The following UBASH3A variants were observed in gnomAD, a reference collection of about 807,000 sequenced individuals.
The protein encoded by UBASH3A is ubiquitin-associated and SH3 domain-containing protein A.
A neutral mutation model predicts 73.5 loss-of-function variants in UBASH3A; 63 were observed. That is an observed-to-expected ratio of 0.86 (90% CI 0.70 to 1.06). The LOEUF (loss-of-function observed/expected upper bound fraction) is 1.06. Among genes scored for constraint, UBASH3A ranks in the 50% least tolerant of loss-of-function variants. UBASH3A has a pLI of 0.00. For synonymous variants in UBASH3A, 363 were observed against 351.1 expected (o/e 1.03, Z -0.38); for missense variants, 860 against 859.0 (o/e 1.00, Z -0.02).
chr21:42,431,908 G>T (rs2053538193), intron 8 of UBASH3A, among the ~76,000 whole-genome samples, 195 bp from the exon 9 acceptor site: 1 of 152,106 alleles, frequency 6.6e-6, no homozygotes, highest in African/African-American at 2.4e-5. Context: ...ATAAAACATT[G>T]GAAGAAATTG....
At chr21:42,414,972 G>A (rs539882618) in intron 5 of UBASH3A, among the ~76,000 whole-genome samples, 104 of 152,278 alleles carry the variant, frequency 6.8e-4, no homozygotes, top group South Asian at 4.4e-3. Context: ...TCTACGCCCC[G>A]ACCCTAAGCA....
chr21:42,419,356 C>A (rs537298473), intron 7 of UBASH3A, among the ~76,000 whole-genome samples: 1 of 152,358 alleles, frequency 6.6e-6, no homozygotes, highest in Admixed American at 6.5e-5. Context: ...TCCCGCTTCA[C>A]TATAAATAAC....
chr21:42,422,269 G>A (rs998601020), intron 7 of UBASH3A, among the ~76,000 whole-genome samples: 7 of 152,290 alleles, frequency 4.6e-5, no homozygotes, highest in East Asian at 3.9e-4. Flanking sequence ...GTAGTCACAC[G>A]TCTTTATTTA....
chr21:42,419,620 C>G (rs2053294184), intron 7 of UBASH3A, among the ~76,000 whole-genome samples: 1 of 152,212 alleles, frequency 6.6e-6, no homozygotes, highest in South Asian at 2.1e-4. Context: ...GCTTTCTCTG[C>G]TGTGCTACTC....
rs184525147 is a variant in UBASH3A, at chr21:42,423,727, T to C, written c.1047-2970T>C. On this transcript the variant is annotated intron_variant, in intron 7 of 14. Transcript: ENST00000319294. ...TTCCAGCTTTTATGCCTGACATTTC[T>C]GGGACTATTCTTTCCAGAGGAACTT... 3.5e-4 allele frequency among the ~76,000 whole-genome samples: 53 copies of C among 152,362 alleles called. 1 individual carries two copies. Among genetic ancestry groups the C allele is most frequent in the Admixed American group, 1.2e-3 (18 of 15,310 alleles).
chr21:42,435,075 A>G, intron 10 of UBASH3A, 121 bp downstream of exon 10: 1 of 1,308,336 alleles, frequency 7.6e-7, no homozygotes, highest in Non-Finnish European at 1.0e-6. Context: ...CTTTGTCTCC[A>G]GTCTGCTGAG....
chr21:42,435,949 T>C (rs1335340979), intron 10 of UBASH3A, among the ~76,000 whole-genome samples: 3 of 151,552 alleles, frequency 2.0e-5, no homozygotes, highest in Admixed American at 1.3e-4. Flanking sequence ...ATAGAGTTAG[T>C]TATAGAGTTA....
In UBASH3A at chr21:42,413,551, G is replaced by C. The variant is rs140986519; in HGVS notation, c.667+28G>C. On this transcript the variant is annotated intron_variant, in intron 5 of 14. Coordinates refer to ENST00000319294, the MANE Select transcript of UBASH3A (RefSeq NM_018961.4). This position sits in a 1 kb window ranked among gnomAD's most constrained non-coding sequence, Gnocchi z 4.5. ...AAGCCATTAGAAAGCTTCCGGACCAGCTTTGGTCTTCTCTTTAGGCGGGAA... is the reference window on the plus strand; with the variant it reads ...AAGCCATTAGAAAGCTTCCGGACCACCTTTGGTCTTCTCTTTAGGCGGGAA... 3 of 1,534,072 alleles carry C rather than the reference G, an allele frequency of 2.0e-6. No homozygotes were observed. The highest frequency in any genetic ancestry group is 2.7e-5 in the African/African-American group (2 of 72,974).
At chr21:42,406,502 T>G in intron 2 of UBASH3A, 141 bp downstream of exon 2, 1 of 678,910 alleles carries the variant, frequency 1.5e-6, no homozygotes, top group South Asian at 1.7e-5. Context: ...TGAAACAAAA[T>G]AACCTCCCTG....
chr21:42,409,279 A>C (rs1568908120), intron 2 of UBASH3A, 143 bp from the exon 3 acceptor site: 2 of 820,110 alleles, frequency 2.4e-6, no homozygotes, highest in Non-Finnish European at 3.7e-6. Flanking sequence ...CTGTGAGATT[A>C]ATTTATGTCA....
At chr21:42,445,157 G>A (rs947782037) in intron 14 of UBASH3A, among the ~76,000 whole-genome samples, 6 of 152,228 alleles carry the variant, frequency 3.9e-5, no homozygotes, top group Admixed American at 3.3e-4. Context: ...TAACGCACAC[G>A]TGACATCTTG....
intron 11 of UBASH3A, among the ~76,000 whole-genome samples, chr21:42,439,200 G>C (rs1199688890): frequency 6.6e-6 from 1 of 152,148 alleles, no homozygotes. Flanking sequence ...CCATCCCATA[G>C]TCCAGTCCTA....
At chr21:42,425,049 G>T (rs899050270) in intron 7 of UBASH3A, among the ~76,000 whole-genome samples, 1 of 152,198 alleles carries the variant, frequency 6.6e-6, no homozygotes, top group South Asian at 2.1e-4. Flanking sequence ...CGTTGAAGCC[G>T]CTCAGCTGTG....
chr21:42,407,414 A>G (rs2146488959), intron 2 of UBASH3A, among the ~76,000 whole-genome samples: 1 of 152,326 alleles, frequency 6.6e-6, no homozygotes. Context: ...AGAGTCCACT[A>G]AAGCCAGTTG....
chr21:42,412,001 T>C (rs537050073), intron 3 of UBASH3A, among the ~76,000 whole-genome samples: 1 of 152,146 alleles, frequency 6.6e-6, no homozygotes, highest in African/African-American at 2.4e-5. Context: ...TACTTGGGCT[T>C]GTAAGAAGCA....
At chr21:42,435,219 G>A (rs948788828) in intron 10 of UBASH3A, 52 of 272,124 alleles carry the variant, frequency 1.9e-4, no homozygotes, top group Non-Finnish European at 7.5e-5. Flanking sequence ...GAAAGAACAA[G>A]AGAGGGGAGG....
intron 3 of UBASH3A, among the ~76,000 whole-genome samples, chr21:42,412,076 G>A (rs1486626848): frequency 1.3e-5 from 2 of 152,210 alleles, no homozygotes; most frequent in Non-Finnish European, 2.9e-5. Context: ...CTCCCGCCAG[G>A]AGGGTGTGGT....
At chr21:42,420,515 A>G (rs1047224817) in intron 7 of UBASH3A, among the ~76,000 whole-genome samples, 1 of 152,318 alleles carries the variant, frequency 6.6e-6, no homozygotes, top group East Asian at 1.9e-4. Context: ...TCACACACAT[A>G]TATATATGGA....
rs1333100540 is a variant in UBASH3A at position 42,437,486 on chromosome 21, A to C, written c.1394-2A>C. 5 of 1,613,826 alleles carry C rather than the reference A, an allele frequency of 3.1e-6. No homozygotes were observed. Among genetic ancestry groups the C allele is most frequent in the Non-Finnish European group, 4.2e-6 (5 of 1,179,796 alleles). On this transcript the variant is annotated splice_acceptor_variant, in intron 10 of 14. Transcript: ENST00000319294. LOFTEE classifies it high-confidence loss of function. ...TTTTCTGCCTTTTTCACTATTTTCC[A>C]GGGGACGCGCTACTGGACAGTGGTA...
Sources: gnomAD v4.1 joint callset for allele counts (sites outside exome capture counted in the v4.1 genomes callset) on GRCh38, gnomAD v4.1.1 for gene constraint, Gnocchi (gnomAD v3.1) non-coding constraint, MANE v1.5 for transcripts, NCBI Gene and HGNC (gene_info 2026-07-23, HGNC 2026-07-21) for gene names.